The following COPS7B variants were observed in gnomAD, a reference collection of about 807,000 sequenced individuals.
The protein encoded by COPS7B is COP9 signalosome subunit 7B.
Under a neutral mutation model 33.4 loss-of-function variants are expected in COPS7B, and 9 were observed. That is an observed-to-expected ratio of 0.27 (90% CI 0.16 to 0.47). The LOEUF (loss-of-function observed/expected upper bound fraction) is 0.47, where lower values mean the gene tolerates loss of function less well. COPS7B is among the 20% of genes least tolerant of loss of function. The pLI, the probability that COPS7B is intolerant of heterozygous loss-of-function variation, is 0.99. For missense variants in COPS7B, 242 were observed against 318.2 expected, an observed-to-expected ratio of 0.76 and a Z score of 1.82; for synonymous variants, 119 against 126.3, an observed-to-expected ratio of 0.94 and a Z score of 0.39.
chr2:231,785,049 G>C (rs1299036186), upstream of COPS7B, among the ~76,000 whole-genome samples: 1 of 152,218 alleles, frequency 6.6e-6, no homozygotes, highest in Non-Finnish European at 1.5e-5. Flanking sequence ...GACCTCAGGT[G>C]ATCTGCCCAC....
intron 6 of COPS7B, among the ~76,000 whole-genome samples, chr2:231,803,678 A>G (rs2049811865): frequency 6.6e-6 from 1 of 152,134 alleles, no homozygotes; most frequent in Admixed American, 6.5e-5. Flanking sequence ...TCACCATGAG[A>G]GAGGGAGGCT....
At chr2:231,782,159 G>A (rs777892014), upstream of COPS7B, among the ~76,000 whole-genome samples, 9 of 152,314 alleles carry the variant, frequency 5.9e-5, no homozygotes, top group South Asian at 1.2e-3. Context: ...AGCAAGTTCG[G>A]GCAGAGTTAG....
In COPS7B at chr2:231,790,642, C is replaced by T. The variant is rs2049385193; in HGVS notation, c.163-1091C>T. On this transcript the variant is annotated intron_variant, in intron 2 of 6. Coordinates refer to ENST00000350033, the MANE Select transcript of COPS7B (RefSeq NM_022730.4). ...TAATGGCTAAAATTGAGTAGTATCG[C>T]TATTGCTGTCTGTAGACTACCACTT... 2 of 151,544 alleles carry T rather than the reference C, an allele frequency of 1.3e-5. 1 individual carries two copies. Among genetic ancestry groups the T allele is most frequent in the South Asian group, 4.2e-4 (2 of 4,808 alleles). The allele number at this position is 151,544 out of a possible 1,614,324, so 9.4% of individuals were successfully genotyped here.
At chr2:231,805,582 G>T (rs1333660185) in intron 6 of COPS7B, among the ~76,000 whole-genome samples, 1 of 151,426 alleles carries the variant, frequency 6.6e-6, no homozygotes, top group Non-Finnish European at 1.5e-5. Context: ...TCCTGCCTCA[G>T]CCTCCTGAAT....
chr2:231,785,810 G>C (rs1159228324), upstream of COPS7B, among the ~76,000 whole-genome samples: 1 of 152,228 alleles, frequency 6.6e-6, no homozygotes, highest in Non-Finnish European at 1.5e-5. Flanking sequence ...GTAAGCACCA[G>C]ATGCAACTCT....
upstream of COPS7B, among the ~76,000 whole-genome samples, chr2:231,784,488 GA>G (rs879785933): frequency 6.0e-5 from 9 of 149,670 alleles, no homozygotes; most frequent in Non-Finnish European, 8.9e-5. Context: ...TCTCTTAAGG[GA>G]AAAAAAAACC....
At chr2:231,800,227 C>G (rs894131698) in intron 6 of COPS7B, among the ~76,000 whole-genome samples, 1 of 152,166 alleles carries the variant, frequency 6.6e-6, no homozygotes, top group Non-Finnish European at 1.5e-5. Flanking sequence ...TCCAGGAGTT[C>G]GAGACCAGCC....
At chr2:231,806,743 C>T (rs1332931886) in intron 6 of COPS7B, among the ~76,000 whole-genome samples, 1 of 152,116 alleles carries the variant, frequency 6.6e-6, no homozygotes. Context: ...CGACTTTGAT[C>T]TGGAAAGCTC....
At chr2:231,790,709 G>T (rs2106315314) in intron 2 of COPS7B, 1 of 152,190 alleles carries the variant, frequency 6.6e-6, no homozygotes, top group South Asian at 2.1e-4. Context: ...TAAGTTGGAA[G>T]GGTAACAGGA....
At chr2:231,782,496 T>G (rs569501167), upstream of COPS7B, among the ~76,000 whole-genome samples, 2 of 152,348 alleles carry the variant, frequency 1.3e-5, no homozygotes, top group South Asian at 2.1e-4. Flanking sequence ...CTCTTGGCCT[T>G]CCTTCCTCTG....
upstream of COPS7B, among the ~76,000 whole-genome samples, chr2:231,785,100 C>T (rs1208953303): frequency 2.6e-5 from 4 of 152,218 alleles, no homozygotes; most frequent in Admixed American, 2.6e-4. Flanking sequence ...CGTGAGCCAC[C>T]GCGCCCGGCA....
rs1417796280 is a variant in COPS7B at position 231,801,156 on chromosome 2, G to C, written c.636+2192G>C. The C allele has an allele frequency of 1.9e-6, 3 of 1,550,354 alleles. No individual in the cohort carries two copies. In the Admixed American group the frequency reaches 5.9e-5, roughly 30 times the overall value. ...TTAAATTAGATTGCTTGTTTTCAGAGGGAAAAACGTGATGTCCCCCTCCTG... is the reference window on the plus strand; with the variant it reads ...TTAAATTAGATTGCTTGTTTTCAGACGGAAAAACGTGATGTCCCCCTCCTG... On this transcript the variant is annotated intron_variant, in intron 6 of 6. Transcript: ENST00000350033.
rs2049979786 is a variant in COPS7B, at chr2:231,809,106, T to TTTAAGCCAATCCATGTGCCCACATAACA, written c.*1465_*1492dup. 6.6e-6 allele frequency: 1 copy of TTTAAGCCAATCCATGTGCCCACATAACA among 152,314 alleles called. No homozygotes were observed. Among genetic ancestry groups the TTTAAGCCAATCCATGTGCCCACATAACA allele is most frequent in the Non-Finnish European group, 1.5e-5 (1 of 68,154 alleles). 9.4% of individuals were successfully genotyped at this position (152,314 alleles called of 1,614,324 possible). A position where few individuals can be genotyped will look rare whatever the true frequency, so the allele number is the denominator to read the frequency against. The stretch of plus-strand genomic sequence containing the variant: ...AATGTTGAAGTATTCTTGTTTCCCT[T>TTTAAGCCAATCCATGTGCCCACATAACA]TTAAGCCAATCCATGTGCCCACATA... On this transcript the variant is annotated 3_prime_UTR_variant, in exon 7 of 7. Coordinates refer to ENST00000350033, the MANE Select transcript of COPS7B (RefSeq NM_022730.4).
upstream of COPS7B, among the ~76,000 whole-genome samples, chr2:231,784,633 T>G (rs1438961347): frequency 6.6e-6 from 1 of 152,178 alleles, no homozygotes; most frequent in Non-Finnish European, 1.5e-5. Flanking sequence ...TCCCTCCTCT[T>G]CCATAGCCCT....
intron 6 of COPS7B, among the ~76,000 whole-genome samples, chr2:231,805,807 TA>T (rs2049878704): frequency 7.0e-6 from 1 of 143,868 alleles, no homozygotes; most frequent in African/African-American, 2.6e-5. Flanking sequence ...CATACCTGGC[TA>T]AAATTTTTTT....
chr2:231,799,231 A>G (rs2049672573), intron 6 of COPS7B, among the ~76,000 whole-genome samples: 1 of 152,108 alleles, frequency 6.6e-6, no homozygotes, highest in African/African-American at 2.4e-5. Context: ...GTACACATGT[A>G]CTTTGCAGCT....
chr2:231,796,012 C>A, intron 4 of COPS7B, 94 bp from the exon 5 acceptor site: 1 of 1,021,648 alleles, frequency 9.8e-7, no homozygotes, highest in Non-Finnish European at 1.5e-6. Flanking sequence ...GTTTCCCGAG[C>A]CTAGAGGCAG....
At chr2:231,786,415 G>A (rs1335435016), upstream of COPS7B, 1 of 984,888 alleles carries the variant, frequency 1.0e-6, no homozygotes, top group Non-Finnish European at 1.2e-6. Flanking sequence ...AGCTGCACGG[G>A]CGACGGGTCG....
chr2:231,789,582 T>C (rs1292380069), intron 2 of COPS7B: 1 of 152,472 alleles, frequency 6.6e-6, no homozygotes, highest in Non-Finnish European at 1.5e-5. Flanking sequence ...ATCTGGGTGA[T>C]GGTACTTCTT....
Sources: allele counts gnomAD v4.1 joint callset (sites outside exome capture counted in the v4.1 genomes callset), GRCh38; gene constraint gnomAD v4.1.1; transcripts MANE v1.5; gene names NCBI Gene and HGNC (gene_info 2026-07-23, HGNC 2026-07-21).